Variants in DCAF5 observed in about 807,000 individuals in gnomAD.
The protein encoded by DCAF5 is DDB1- and CUL4-associated factor 5.
In DCAF5, 9 loss-of-function variants were observed where a neutral mutation model predicts 80.7. The ratio of observed to expected loss-of-function variants is 0.11; its 90% confidence interval spans 0.07 to 0.19. DCAF5 has a LOEUF of 0.19. Ranked by LOEUF, DCAF5 falls within the 10% of genes least tolerant of loss-of-function variation. DCAF5 has a pLI of 1.00. For missense variants in DCAF5, 842 were observed against 1,205.7 expected, an observed-to-expected ratio of 0.70 and a Z score of 4.47; for synonymous variants, 433 against 461.9, an observed-to-expected ratio of 0.94 and a Z score of 0.80.
At chr14:69,058,364 C>A (rs2038060264) in intron 8 of DCAF5, among the ~76,000 whole-genome samples, 1 of 151,610 alleles carries the variant, frequency 6.6e-6, no homozygotes, top group Non-Finnish European at 1.5e-5. Context: ...ACCAAAAATA[C>A]AAAAATTAGC....
At position 69,092,463 on chromosome 14, in the gene DCAF5, A is replaced by T. The variant is rs186265938; in HGVS notation, c.666-576T>A. 1.1e-4 allele frequency among the ~76,000 whole-genome samples: 17 copies of T among 152,192 alleles called. No homozygotes were observed. In the East Asian group the frequency reaches 3.3e-3, roughly 29 times the overall value. On this transcript the variant is annotated intron_variant, in intron 5 of 8. Transcript: ENST00000341516. ...GAGACTTTGTCTCTACAAAAAAATT[A>T]AAAAATTAGCCAGGCATGGTGGCAT...
intron 5 of DCAF5, among the ~76,000 whole-genome samples, chr14:69,105,786 G>A (rs951637145): frequency 6.7e-6 from 1 of 150,206 alleles, no homozygotes; most frequent in Non-Finnish European, 1.5e-5. Context: ...CTCTACTGTC[G>A]GCCTACCTGG....
intron 6 of DCAF5, among the ~76,000 whole-genome samples, chr14:69,076,326 A>G (rs1427917363): frequency 1.3e-5 from 2 of 152,234 alleles, no homozygotes; most frequent in South Asian, 2.1e-4. Context: ...ACTCTAAGAG[A>G]TATCTGTATA....
intron 7 of DCAF5, among the ~76,000 whole-genome samples, chr14:69,070,271 C>T (rs1305453384): frequency 6.6e-6 from 1 of 152,156 alleles, no homozygotes; most frequent in Non-Finnish European, 1.5e-5. Context: ...TCAAGAGACA[C>T]CTACCAACCT....
At position 69,055,021 on chromosome 14, in the gene DCAF5, G is replaced by C; in HGVS notation, c.1665C>G (p.Pro555=). Residue 555 remains proline, a synonymous_variant, in exon 9 of 9, where the codon CCC becomes CCG. Transcript: ENST00000341516. This position sits in a 1 kb window ranked among gnomAD's most constrained non-coding sequence, Gnocchi z 5.6. The part of the protein sequence containing the change: ...DLFPRPRSPS[P]EDESSSSSSS... ...TGCTGGAACTGCTGGATTCATCTTC[G>C]GGGCTGGGTGACCGTGGCCGGGGAA... is the stretch of plus-strand genomic sequence containing the variant. 1.2e-6 allele frequency: 2 copies of C among 1,614,218 alleles called. No individual in the cohort carries two copies. The highest frequency in any genetic ancestry group is 2.2e-5 in the East Asian group (1 of 44,888).
chr14:69,147,356 C>T (rs905237950), intron 1 of DCAF5, among the ~76,000 whole-genome samples: 1 of 152,226 alleles, frequency 6.6e-6, no homozygotes, highest in East Asian at 1.9e-4. Flanking sequence ...AGGGAAACAA[C>T]AACAACAGTT....
chr14:69,082,360 A>T (rs2039138749), intron 6 of DCAF5, among the ~76,000 whole-genome samples: 1 of 152,248 alleles, frequency 6.6e-6, no homozygotes, highest in South Asian at 2.1e-4. Context: ...AAGTTACATT[A>T]TTCTTGCTTC....
intron 5 of DCAF5, among the ~76,000 whole-genome samples, chr14:69,107,712 T>G (rs1302134390): frequency 6.6e-6 from 1 of 152,174 alleles, no homozygotes; most frequent in Non-Finnish European, 1.5e-5. Context: ...TAAGGATTTA[T>G]TCCTGAGATA....
chr14:69,131,047 T>G (rs1385951853), intron 1 of DCAF5, among the ~76,000 whole-genome samples: 1 of 152,226 alleles, frequency 6.6e-6, no homozygotes, highest in Non-Finnish European at 1.5e-5. Flanking sequence ...ATTGTCCTTG[T>G]GTCCGTAAAG....
chr14:69,107,253 G>A (rs2040194171), intron 5 of DCAF5, among the ~76,000 whole-genome samples: 1 of 152,200 alleles, frequency 6.6e-6, no homozygotes, highest in African/African-American at 2.4e-5. Context: ...TTTGTGTCTG[G>A]TGAGAAGGAA....
intron 2 of DCAF5, among the ~76,000 whole-genome samples, chr14:69,121,656 TG>T (rs1472081072): frequency 1.3e-5 from 2 of 152,006 alleles, no homozygotes; most frequent in Non-Finnish European, 2.9e-5. Context: ...AGATATCCAG[TG>T]GGAAAATCTG....
intron 1 of DCAF5, among the ~76,000 whole-genome samples, chr14:69,145,322 T>C (rs2041505441): frequency 6.6e-6 from 1 of 152,126 alleles, no homozygotes; most frequent in Non-Finnish European, 1.5e-5. Context: ...CTGGCCTTAA[T>C]TTACTTAAAA....
intron 6 of DCAF5, among the ~76,000 whole-genome samples, 172 bp from the exon 7 acceptor site, chr14:69,075,583 G>A (rs1308260924): frequency 6.6e-6 from 1 of 152,178 alleles, no homozygotes; most frequent in East Asian, 1.9e-4. Flanking sequence ...CTGGGCTCAA[G>A]TGATTCTCCT....
intron 1 of DCAF5, among the ~76,000 whole-genome samples, chr14:69,129,402 C>A (rs964423295): frequency 6.6e-6 from 1 of 152,160 alleles, no homozygotes; most frequent in Non-Finnish European, 1.5e-5. Context: ...ACAACCAGTA[C>A]AAATTGAGGC....
intron 1 of DCAF5, among the ~76,000 whole-genome samples, chr14:69,122,682 A>ACC (rs2040757683): frequency 6.6e-6 from 1 of 152,176 alleles, no homozygotes; most frequent in Admixed American, 6.6e-5. Flanking sequence ...GCTACCTAGA[A>ACC]CCCCTTCATG....
chr14:69,090,285 A>C (rs1232482038), intron 6 of DCAF5: 2 of 212,776 alleles, frequency 9.4e-6, no homozygotes, highest in African/African-American at 4.7e-5. Flanking sequence ...CGCCTATAGA[A>C]ACTGTTTCTT....
chr14:69,144,993 C>G (rs1275415), intron 1 of DCAF5, among the ~76,000 whole-genome samples: 1 of 152,024 alleles, frequency 6.6e-6, no homozygotes, highest in Admixed American at 6.5e-5. Flanking sequence ...CTTAATGCAG[C>G]ATTTCACAAG....
chr14:69,138,847 C>A (rs1435587648), intron 1 of DCAF5, among the ~76,000 whole-genome samples: 1 of 152,142 alleles, frequency 6.6e-6, no homozygotes, highest in African/African-American at 2.4e-5. Context: ...CATTTCACAA[C>A]ATGAAAGACA....
chr14:69,085,766 C>T (rs999767367), intron 6 of DCAF5, among the ~76,000 whole-genome samples: 90 of 152,146 alleles, frequency 5.9e-4, no homozygotes, highest in African/African-American at 2.0e-3. Context: ...GAAAGTCTGC[C>T]CCCTTCCTCA....
Sources: gnomAD v4.1 joint callset for allele counts (sites outside exome capture counted in the v4.1 genomes callset) on GRCh38, gnomAD v4.1.1 for gene constraint, Gnocchi (gnomAD v3.1) non-coding constraint, MANE v1.5 for transcripts, NCBI Gene and HGNC (gene_info 2026-07-23, HGNC 2026-07-21) for gene names.